The following MLLT3 variants were observed in gnomAD, a reference collection of about 807,000 sequenced individuals.
MLLT3 encodes MLLT3 super elongation complex subunit.
In MLLT3, 4 loss-of-function variants were observed where a neutral mutation model predicts 53.2. The ratio of observed to expected loss-of-function variants is 0.08; its 90% CI spans 0.04 to 0.17. The LOEUF (loss-of-function observed/expected upper bound fraction) is 0.17, where lower values mean the gene tolerates loss of function less well. Ranked by LOEUF, MLLT3 falls within the 10% of genes least tolerant of loss-of-function variation. MLLT3 has a pLI of 1.00. For missense variants in MLLT3, 569 were observed against 684.0 expected (o/e 0.83, Z 1.87); for synonymous variants, 283 against 230.6 (o/e 1.23, Z -2.06).
intron 2 of MLLT3, among the ~76,000 whole-genome samples, chr9:20,535,591 G>A (rs1009090769): frequency 6.6e-6 from 1 of 152,094 alleles, no homozygotes; most frequent in Non-Finnish European, 1.5e-5. Context: ...CAAAAAAATA[G>A]TTACTGAAAG....
intron 5 of MLLT3, among the ~76,000 whole-genome samples, chr9:20,376,224 A>T (rs1445552641): frequency 1.3e-5 from 2 of 152,206 alleles, no homozygotes; most frequent in Non-Finnish European, 2.9e-5. Context: ...AACCACAGAG[A>T]AGACTCTACA....
At chr9:20,398,854 G>C (rs1439581792) in intron 5 of MLLT3, among the ~76,000 whole-genome samples, 2 of 151,936 alleles carry the variant, frequency 1.3e-5, no homozygotes, top group Non-Finnish European at 2.9e-5. Flanking sequence ...TGCTGCCCCT[G>C]TGTTATTTTT....
intron 2 of MLLT3, among the ~76,000 whole-genome samples, chr9:20,543,391 G>A (rs1240230734): frequency 2.0e-5 from 3 of 152,192 alleles, no homozygotes; most frequent in African/African-American, 7.2e-5. Flanking sequence ...CACAGTTCAA[G>A]TCTTACATGG....
chr9:20,617,707 T>C (rs926233727), intron 2 of MLLT3, among the ~76,000 whole-genome samples: 2 of 152,196 alleles, frequency 1.3e-5, no homozygotes, highest in African/African-American at 4.8e-5. Context: ...CTACCTGTTT[T>C]GTCATGGCTA....
In MLLT3 at chr9:20,514,516, A is replaced by T. The variant is rs12555712; in HGVS notation, c.194-57730T>A. On this transcript the variant is annotated intron_variant, in intron 2 of 10. Transcript: ENST00000380338. ...ATATAGGGGTTTTTATTATTTTTTT[A>T]TTTTTTTTTTGGTGGTGGAGATTTA... Among the ~76,000 whole-genome samples, 556 of 148,968 alleles carry T rather than the reference A, an allele frequency of 3.7e-3. 12 individuals carry two copies. Among genetic ancestry groups the T allele is most frequent in the Admixed American group, 0.035 (516 of 14,956 alleles).
intron 2 of MLLT3, among the ~76,000 whole-genome samples, chr9:20,511,619 GCC>G (rs1817751283): frequency 6.6e-6 from 1 of 152,188 alleles, no homozygotes. Context: ...GGATTTCATG[GCC>G]TATGACAGAG....
At chr9:20,514,341 G>A (rs1817844516) in intron 2 of MLLT3, among the ~76,000 whole-genome samples, 1 of 152,092 alleles carries the variant, frequency 6.6e-6, no homozygotes, top group Non-Finnish European at 1.5e-5. Flanking sequence ...GTCCTGGGTT[G>A]GGTGATATCA....
At chr9:20,507,125 G>C (rs553093835) in intron 2 of MLLT3, among the ~76,000 whole-genome samples, 1 of 152,192 alleles carries the variant, frequency 6.6e-6, no homozygotes, top group Non-Finnish European at 1.5e-5. Context: ...GTCTACATTT[G>C]AAAGAGAACT....
intron 2 of MLLT3, among the ~76,000 whole-genome samples, chr9:20,588,163 G>A (rs1040254529): frequency 4.3e-4 from 66 of 152,056 alleles, no homozygotes; most frequent in East Asian, 5.8e-4. Context: ...GATATGCGGC[G>A]TTATTTCTGA....
intron 2 of MLLT3, among the ~76,000 whole-genome samples, chr9:20,617,149 A>G (rs1219939347): frequency 6.6e-6 from 1 of 152,212 alleles, no homozygotes; most frequent in Non-Finnish European, 1.5e-5. Flanking sequence ...ACAGTCACTC[A>G]TCTTCATTTT....
intron 2 of MLLT3, among the ~76,000 whole-genome samples, chr9:20,463,921 G>A (rs1419790060): frequency 2.0e-5 from 3 of 151,844 alleles, no homozygotes; most frequent in Admixed American, 6.6e-5. Flanking sequence ...ATATTTGGTG[G>A]GAACATTTTC....
Position 20,365,748 on chromosome 9 carries a change from T to TA in MLLT3, c.1126-5dup. Reference sequence around the variant, plus strand: ...TGGCAGGACTGGGTTGTTCAGACTTTAAAGAAGAATAAAAAGGCACCATCA... The same window carrying TA: ...TGGCAGGACTGGGTTGTTCAGACTTTAAAAGAAGAATAAAAAGGCACCATCA... On this transcript the variant is annotated splice_polypyrimidine_tract_variant and splice_region_variant and intron_variant, in intron 5 of 10. Transcript: ENST00000380338. 6.2e-7 allele frequency: 1 copy of TA among 1,614,106 alleles called. No individual in the cohort carries two copies. The highest frequency in any genetic ancestry group is 1.7e-4 in the Middle Eastern group (1 of 6,056).
chr9:20,597,850 T>C (rs530047527), intron 2 of MLLT3, among the ~76,000 whole-genome samples: 4 of 152,364 alleles, frequency 2.6e-5, no homozygotes, highest in African/African-American at 9.6e-5. Flanking sequence ...AGAAGCTTAC[T>C]AATATTTTTT....
Position 20,450,472 on chromosome 9 carries a change from C to T in MLLT3, c.277-2206G>A, listed in dbSNP as rs149368613. ...TTGGAATAACCATTGCAGTCTCTTA[C>T]TACCTTTCCTATATTTCTTTTGATT... On this transcript the variant is annotated intron_variant, in intron 3 of 10. Transcript: ENST00000380338. 4.9e-3 allele frequency among the ~76,000 whole-genome samples: 752 copies of T among 152,288 alleles called. 2 individuals are homozygous for T. Among genetic ancestry groups the T allele is most frequent in the Non-Finnish European group, 9.4e-3 (638 of 68,026 alleles).
intron 5 of MLLT3, among the ~76,000 whole-genome samples, chr9:20,387,958 G>A (rs540074573): frequency 5.3e-5 from 8 of 152,234 alleles, no homozygotes; most frequent in South Asian, 2.1e-4. Context: ...GGAGGGCAGC[G>A]GAGAGTGGGG....
intron 5 of MLLT3, among the ~76,000 whole-genome samples, chr9:20,367,637 C>T (rs1404736158): frequency 6.6e-6 from 1 of 152,146 alleles, no homozygotes; most frequent in Admixed American, 6.5e-5. Flanking sequence ...TTCACAATAA[C>T]TTAGTCATGT....
rs1821045106 is a variant in MLLT3 at position 20,622,318 on chromosome 9, T to C, written c.-62A>G. The C allele has an allele frequency of 1.5e-6, 2 of 1,309,592 alleles. No homozygotes were observed. The highest frequency in any genetic ancestry group is 2.1e-6 in the Non-Finnish European group (2 of 954,062). The allele number at this position is 1,309,592 out of a possible 1,614,324, so 81.1% of individuals were successfully genotyped here. Reference sequence around the variant, plus strand: ...GTACCCCCCCCTCCTCCGCCCCCCCTCAGCTGTAATTCATGAAGAGGCTGC... The same window carrying C: ...GTACCCCCCCCTCCTCCGCCCCCCCCCAGCTGTAATTCATGAAGAGGCTGC... On this transcript the variant is annotated 5_prime_UTR_variant, in exon 1 of 11. It removes the in-frame stop codon of an upstream open reading frame in the 5' UTR. Transcript: ENST00000380338.
rs140451657 is a variant in MLLT3, at chr9:20,500,059, T to A, written c.194-43273A>T. Among the ~76,000 whole-genome samples the A allele has an allele frequency of 2.5e-3, 385 of 152,330 alleles. 2 individuals carry two copies. Among genetic ancestry groups the A allele is most frequent in the Admixed American group, 4.0e-3 (61 of 15,308 alleles). On this transcript the variant is annotated intron_variant, in intron 2 of 10. Transcript: ENST00000380338. ...CATGTTCCAATTATCTATTGATACATAATAAGTCACCATCAAGCTTAGTTT... is the reference window on the plus strand; with the variant it reads ...CATGTTCCAATTATCTATTGATACAAAATAAGTCACCATCAAGCTTAGTTT...
At chr9:20,615,332 C>T (rs1285537166) in intron 2 of MLLT3, among the ~76,000 whole-genome samples, 1 of 130,634 alleles carries the variant, frequency 7.7e-6, no homozygotes. Context: ...AATTACAACC[C>T]AGCCTGGGTG....
Sources: gnomAD v4.1 joint callset for allele counts (sites outside exome capture counted in the v4.1 genomes callset) on GRCh38, gnomAD v4.1.1 for gene constraint, MANE v1.5 for transcripts, NCBI Gene and HGNC (gene_info 2026-07-23, HGNC 2026-07-21) for gene names.